The following ARHGAP15 variants were observed in gnomAD, a reference collection of about 807,000 sequenced individuals.
ARHGAP15 encodes Rho GTPase activating protein 15, also known as rho GTPase-activating protein 15.
In ARHGAP15, 51 loss-of-function variants were observed where a neutral mutation model predicts 63.7. That is an observed-to-expected ratio of 0.80 (90% confidence interval 0.64 to 1.01). ARHGAP15 has a LOEUF of 1.01. ARHGAP15 is among the 50% of genes least tolerant of loss of function. The pLI is 0.00. For synonymous variants in ARHGAP15, 191 were observed against 193.8 expected, an observed-to-expected ratio of 0.99 and a Z score of 0.12; for missense variants, 560 against 564.6, an observed-to-expected ratio of 0.99 and a Z score of 0.08.
At chr2:143,156,990 T>C (rs1424487737) in intron 2 of ARHGAP15, among the ~76,000 whole-genome samples, 1 of 151,952 alleles carries the variant, frequency 6.6e-6, no homozygotes, top group African/African-American at 2.4e-5. Flanking sequence ...TAAGTATATT[T>C]AATGATGCCT....
intron 13 of ARHGAP15, among the ~76,000 whole-genome samples, chr2:143,717,648 A>T (rs1684867361): frequency 6.6e-6 from 1 of 152,198 alleles, no homozygotes; most frequent in Non-Finnish European, 1.5e-5. Context: ...CGAGTCATTT[A>T]TTCTGGTCTG....
chr2:143,663,741 A>T (rs1427683374), intron 12 of ARHGAP15, among the ~76,000 whole-genome samples: 1 of 150,924 alleles, frequency 6.6e-6, no homozygotes, highest in African/African-American at 2.4e-5. Flanking sequence ...CAAATGGAAA[A>T]CAAAAAAAGG....
At chr2:143,146,593 A>G (rs1045176337) in intron 1 of ARHGAP15, among the ~76,000 whole-genome samples, 1 of 152,022 alleles carries the variant, frequency 6.6e-6, no homozygotes, top group African/African-American at 2.4e-5. Context: ...ATTGAACTTT[A>G]TATGCAAACA....
At chr2:143,493,951 T>C (rs1017086898) in intron 9 of ARHGAP15, among the ~76,000 whole-genome samples, 2 of 152,164 alleles carry the variant, frequency 1.3e-5, no homozygotes, top group African/African-American at 4.8e-5. Context: ...GCTCTTAAAA[T>C]TGTTTTGCTT....
chr2:143,185,293 C>T (rs951189203), intron 2 of ARHGAP15, among the ~76,000 whole-genome samples: 4 of 152,152 alleles, frequency 2.6e-5, no homozygotes, highest in African/African-American at 7.2e-5. Flanking sequence ...TAATTTACTT[C>T]GTCCCTATTG....
intron 10 of ARHGAP15, among the ~76,000 whole-genome samples, chr2:143,530,241 TTTGTTG>T (rs368611530): frequency 2.0e-5 from 3 of 152,030 alleles, no homozygotes; most frequent in Non-Finnish European, 4.4e-5. Flanking sequence ...TTTTGTTTGT[TTTGTTG>T]TTGTTGTTGT....
chr2:143,363,486 C>T (rs192399761), intron 6 of ARHGAP15, among the ~76,000 whole-genome samples: 1 of 152,258 alleles, frequency 6.6e-6, no homozygotes, highest in East Asian at 1.9e-4. Flanking sequence ...CAGAGCAAGA[C>T]TCTGTCTTCA....
intron 8 of ARHGAP15, among the ~76,000 whole-genome samples, chr2:143,448,251 C>A (rs1558978687): frequency 1.3e-5 from 2 of 152,066 alleles, no homozygotes; most frequent in South Asian, 2.1e-4. Flanking sequence ...GAAGAGTGAA[C>A]CATTGGCAAA....
intron 12 of ARHGAP15, among the ~76,000 whole-genome samples, chr2:143,657,745 AAC>A (rs1215752143): frequency 6.6e-6 from 1 of 152,142 alleles, no homozygotes; most frequent in Non-Finnish European, 1.5e-5. Context: ...TCAGATTTTA[AAC>A]AGTCTTATTT....
chr2:143,700,168 T>C (rs1684022439), intron 12 of ARHGAP15, among the ~76,000 whole-genome samples: 1 of 152,182 alleles, frequency 6.6e-6, no homozygotes, highest in Non-Finnish European at 1.5e-5. Context: ...ATATTCTAAA[T>C]GCAACAGAAC....
intron 10 of ARHGAP15, among the ~76,000 whole-genome samples, chr2:143,540,628 C>A (rs532898054): frequency 3.9e-5 from 6 of 152,008 alleles, no homozygotes; most frequent in East Asian, 3.9e-4. Flanking sequence ...TTTCTCCTTC[C>A]CTTATGAAGC....
At chr2:143,297,561 T>A (rs1487758604) in intron 6 of ARHGAP15, among the ~76,000 whole-genome samples, 1 of 151,980 alleles carries the variant, frequency 6.6e-6, no homozygotes, top group Admixed American at 6.6e-5. Context: ...ATCAAAGCCA[T>A]TTTCAGGTGA....
intron 6 of ARHGAP15, among the ~76,000 whole-genome samples, chr2:143,351,652 G>A (rs765993028): frequency 6.6e-6 from 1 of 152,124 alleles, no homozygotes; most frequent in Non-Finnish European, 1.5e-5. Context: ...TTGGGCATCT[G>A]TAATTATGTT....
chr2:143,623,885 T>C (rs1182645920), intron 11 of ARHGAP15, among the ~76,000 whole-genome samples: 1 of 152,236 alleles, frequency 6.6e-6, no homozygotes, highest in Admixed American at 6.5e-5. Context: ...TGACATACTG[T>C]GTCAATGGCA....
At chr2:143,741,067 A>G (rs550641733) in intron 13 of ARHGAP15, 4 of 152,382 alleles carry the variant, frequency 2.6e-5, no homozygotes, top group Admixed American at 2.6e-4. Context: ...TGACAAAAAT[A>G]TAAAAGGACC....
chr2:143,224,481 A>C (rs189342507), intron 4 of ARHGAP15, among the ~76,000 whole-genome samples: 275 of 152,204 alleles, frequency 1.8e-3, no homozygotes, highest in Non-Finnish European at 2.7e-3. Flanking sequence ...GGTGGTTTCT[A>C]TTTCTTTGTG....
intron 11 of ARHGAP15, among the ~76,000 whole-genome samples, chr2:143,567,973 A>G (rs1696297209): frequency 6.6e-6 from 1 of 152,208 alleles, no homozygotes; most frequent in African/African-American, 2.4e-5. Context: ...TCATATGTAG[A>G]AAGCTGAAAC....
chr2:143,151,167 G>A (rs1689799986), intron 1 of ARHGAP15, among the ~76,000 whole-genome samples: 1 of 152,012 alleles, frequency 6.6e-6, no homozygotes, highest in South Asian at 2.1e-4. Context: ...CCTAGGTTCT[G>A]GAAGCCAAGT....
chr2:143,335,338 C>T (rs1292069436), intron 6 of ARHGAP15, among the ~76,000 whole-genome samples: 1 of 152,118 alleles, frequency 6.6e-6, no homozygotes, highest in Admixed American at 6.5e-5. Flanking sequence ...AATGGAAAAT[C>T]CTCTTAAATT....
Sources: gnomAD v4.1 joint callset for allele counts (sites outside exome capture counted in the v4.1 genomes callset) on GRCh38, gnomAD v4.1.1 for gene constraint, MANE v1.5 for transcripts, NCBI Gene and HGNC (gene_info 2026-07-23, HGNC 2026-07-21) for gene names.